PCM1: variants seen among roughly 807,000 people sequenced by gnomAD.
PCM1 encodes pericentriolar material 1.
A neutral mutation model predicts 241.9 loss-of-function variants in PCM1; 157 were observed. The ratio of observed to expected loss-of-function variants is 0.65; its 90% confidence interval spans 0.57 to 0.74. The LOEUF is 0.74. Ranked by LOEUF, PCM1 falls within the 30% of genes least tolerant of loss-of-function variation. The pLI is 0.00. For missense variants in PCM1, 3,478 were observed against 2,360.1 expected, an observed-to-expected ratio of 1.47 and a Z score of -9.81; for synonymous variants, 1,085 against 784.9, an observed-to-expected ratio of 1.38 and a Z score of -6.39.
At chr8:17,960,852 C>G (rs1350538465) in intron 15 of PCM1, among the ~76,000 whole-genome samples, 1 of 151,854 alleles carries the variant, frequency 6.6e-6, no homozygotes, top group South Asian at 2.1e-4. Flanking sequence ...AGAATTATAT[C>G]TAGTAATTTT....
intron 1 of PCM1, among the ~76,000 whole-genome samples, chr8:17,923,846 G>GA: frequency 6.6e-6 from 1 of 152,136 alleles, no homozygotes; most frequent in Non-Finnish European, 1.5e-5. Flanking sequence ...CTAGAACCGG[G>GA]AAAGACTAAA....
intron 13 of PCM1, among the ~76,000 whole-genome samples, chr8:17,958,471 A>G (rs1563923895): frequency 1.3e-5 from 2 of 152,164 alleles, no homozygotes; most frequent in South Asian, 2.1e-4. Flanking sequence ...TTATAGTTAC[A>G]TAACTATTAA....
chr8:17,933,677 G>C (rs773637888), intron 2 of PCM1, among the ~76,000 whole-genome samples: 1 of 152,054 alleles, frequency 6.6e-6, no homozygotes, highest in Admixed American at 6.5e-5. Flanking sequence ...ATTATAAGTA[G>C]CATCGTTTAA....
At chr8:17,925,432 A>T (rs1400738253) in intron 2 of PCM1, 1 of 152,254 alleles carries the variant, frequency 6.6e-6, no homozygotes, top group East Asian at 1.9e-4. Flanking sequence ...GATAATTAGA[A>T]GTTTGTTAAA....
chr8:17,962,548 G>A (rs923443663), intron 16 of PCM1, among the ~76,000 whole-genome samples: 20 of 151,922 alleles, frequency 1.3e-4, no homozygotes, highest in African/African-American at 4.8e-4. Flanking sequence ...TTTATATGTG[G>A]TTTGTAGAAA....
intron 9 of PCM1, 148 bp downstream of exon 9, chr8:17,953,334 T>C: frequency 2.2e-6 from 1 of 462,626 alleles, no homozygotes; most frequent in South Asian, 5.6e-5. Context: ...AGTTTCTAAG[T>C]TGCAAGCCAA....
intron 23 of PCM1, among the ~76,000 whole-genome samples, chr8:17,973,221 A>C (rs2237847): frequency 6.6e-6 from 1 of 152,116 alleles, no homozygotes; most frequent in Non-Finnish European, 1.5e-5. Flanking sequence ...AAATTTTTTT[A>C]AAATTTTCTT....
chr8:18,014,475 C>CTTAAATATCTTGATTGCTCTTA, intron 35 of PCM1, 109 bp from the exon 36 acceptor site: 3 of 852,574 alleles, frequency 3.5e-6, no homozygotes, highest in East Asian at 6.0e-5. Flanking sequence ...TCTTTTTGGT[C>CTTAAATATCTTGATTGCTCTTA]TTAAATATCT....
rs767479338 is a variant in PCM1, at chr8:17,950,689, A to T, written c.1036A>T (p.Ile346Phe). The T allele has an allele frequency of 1.9e-6, 3 of 1,600,992 alleles. No homozygotes were observed. The highest frequency in any genetic ancestry group is 8.5e-7 in the Non-Finnish European group (1 of 1,171,970). Residue 346 changes from isoleucine to phenylalanine, a missense_variant, in exon 8 of 39, where the codon ATT (isoleucine) becomes TTT (phenylalanine). By Grantham distance (21) the Ile-to-Phe change is conservative (BLOSUM62 0). Transcript: ENST00000325083. Reference protein sequence around the residue: ...SELNEELNDLIQRFHNQLRDS... With the variant: ...SELNEELNDLFQRFHNQLRDS... ...ACTAAATGAAGAATTGAATGACTTA[A>T]TTCAGCGTTTTCATAATCAGCTTCG...
intron 26 of PCM1, among the ~76,000 whole-genome samples, chr8:17,988,821 G>C (rs1369960026): frequency 1.3e-5 from 2 of 151,928 alleles, no homozygotes; most frequent in Non-Finnish European, 2.9e-5. Context: ...AGAAGTGTTG[G>C]TGAGAATGTG....
chr8:17,966,545 T>C, intron 20 of PCM1, 72 bp downstream of exon 20: 1 of 1,417,868 alleles, frequency 7.1e-7, no homozygotes, highest in Admixed American at 2.0e-5. Context: ...AGTTAGCTTC[T>C]GGGAGAAAAG....
chr8:18,001,037 A>G (rs2089226485), intron 29 of PCM1, among the ~76,000 whole-genome samples: 2 of 152,340 alleles, frequency 1.3e-5, no homozygotes, highest in African/African-American at 4.8e-5. Context: ...TATAGCATAT[A>G]GCTGCTGCCT....
In PCM1 at chr8:17,939,754, C is replaced by G. The variant is rs375501676; in HGVS notation, c.676C>G (p.Leu226Val). Residue 226 changes from leucine (L) to valine (V), a missense_variant, in exon 6 of 39, where the codon CTT becomes GTT. Physicochemically the swap from Leu to Val is conservative, Grantham distance 32. Transcript: ENST00000325083. The part of the protein sequence containing the change: ...ITKASSMRED[L>V]VEKNERSANV... The stretch of plus-strand genomic sequence containing the variant: ...TAAAGCTAGTTCCATGCGGGAAGAT[C>G]TTGTAGAGAAAAATGAGAGATCTGC... 3 of 1,557,118 alleles carry G rather than the reference C, an allele frequency of 1.9e-6. No homozygotes were observed. Among genetic ancestry groups the G allele is most frequent in the African/African-American group, 1.4e-5 (1 of 73,554 alleles).
intron 36 of PCM1, among the ~76,000 whole-genome samples, chr8:18,019,033 C>T (rs527394843): frequency 6.6e-6 from 1 of 151,584 alleles, no homozygotes; most frequent in Non-Finnish European, 1.5e-5. Context: ...TCTAATGTGC[C>T]TACAGATTCT....
intron 26 of PCM1, among the ~76,000 whole-genome samples, chr8:17,987,248 C>T (rs1046344708): frequency 4.0e-5 from 6 of 151,750 alleles, no homozygotes; most frequent in East Asian, 1.9e-4. Flanking sequence ...AAATGAAATG[C>T]GACCTGCTTG....
intron 6 of PCM1, among the ~76,000 whole-genome samples, chr8:17,944,447 G>A (rs2063156829): frequency 6.6e-6 from 1 of 152,098 alleles, no homozygotes; most frequent in Non-Finnish European, 1.5e-5. Context: ...ATTACTAGGA[G>A]AACCTCAGTT....
intron 34 of PCM1, among the ~76,000 whole-genome samples, chr8:18,013,635 G>A (rs180835327): frequency 7.2e-4 from 110 of 152,072 alleles, no homozygotes; most frequent in African/African-American, 2.5e-3. Context: ...ATTTAGCTTT[G>A]TTCATCTTCC....
chr8:17,978,996 T>C (rs1273389466), intron 23 of PCM1, among the ~76,000 whole-genome samples: 1 of 152,072 alleles, frequency 6.6e-6, no homozygotes, highest in Non-Finnish European at 1.5e-5. Context: ...AAGGCAGTTA[T>C]GCCTGTAATC....
At chr8:18,020,653 A>G (rs984403090) in intron 36 of PCM1, among the ~76,000 whole-genome samples, 3 of 152,236 alleles carry the variant, frequency 2.0e-5, no homozygotes, top group Non-Finnish European at 2.9e-5. Flanking sequence ...GAGAAGAAAT[A>G]CTGAGCAAGA....
Sources: gnomAD v4.1 joint callset for allele counts (sites outside exome capture counted in the v4.1 genomes callset) on GRCh38, gnomAD v4.1.1 for gene constraint, MANE v1.5 for transcripts, NCBI Gene and HGNC (gene_info 2026-07-23, HGNC 2026-07-21) for gene names.